Variants in CHODL observed in about 807,000 individuals in gnomAD.
CHODL encodes the protein chondrolectin, also known as transmembrane protein MT75.
CHODL carries 29 observed loss-of-function variants against 34.5 expected under a neutral mutation model. The ratio of observed to expected loss-of-function variants is 0.84; its 90% CI spans 0.63 to 1.15. The LOEUF is 1.15. CHODL is among the 50% of genes most tolerant of loss of function. The pLI, the probability that CHODL is intolerant of heterozygous loss-of-function variation, is 0.00. For synonymous variants in CHODL, 125 were observed against 116.1 expected, an observed-to-expected ratio of 1.08 and a Z score of -0.49; for missense variants, 332 against 332.5, an observed-to-expected ratio of 1.00 and a Z score of 0.01.
At chr21:18,040,800 TCGC>T (rs1431483959) in intron 2 of CHODL, among the ~76,000 whole-genome samples, 1 of 151,144 alleles carries the variant, frequency 6.6e-6, no homozygotes, top group Non-Finnish European at 1.5e-5. Flanking sequence ...TTTTGTCTAC[TCGC>T]AGGTGGTAAA....
intron 1 of CHODL, among the ~76,000 whole-genome samples, chr21:18,248,627 A>G (rs1457231971): frequency 1.7e-5 from 2 of 117,516 alleles, no homozygotes. Flanking sequence ...TATATAATAT[A>G]TATAATACAT....
chr21:17,917,762 AAGAGT>A (rs1315522257), intron 1 of CHODL, among the ~76,000 whole-genome samples: 1 of 152,168 alleles, frequency 6.6e-6, no homozygotes, highest in African/African-American at 2.4e-5. Context: ...GGACACAGAG[AAGAGT>A]AAAGAGTAGA....
At chr21:17,934,317 G>GA (rs1027253782) in intron 1 of CHODL, among the ~76,000 whole-genome samples, 1 of 151,772 alleles carries the variant, frequency 6.6e-6, no homozygotes, top group Non-Finnish European at 1.5e-5. Context: ...GCTGAGAATA[G>GA]AAAAAATAAC....
At chr21:18,211,968 G>A (rs1338909944) in intron 2 of CHODL, among the ~76,000 whole-genome samples, 2 of 152,116 alleles carry the variant, frequency 1.3e-5, no homozygotes, top group African/African-American at 4.8e-5. Context: ...TAGAATCCAT[G>A]CAGAAAAATA....
At chr21:18,145,460 G>A (rs1324044744) in intron 2 of CHODL, among the ~76,000 whole-genome samples, 3 of 143,724 alleles carry the variant, frequency 2.1e-5, no homozygotes, top group Admixed American at 6.9e-5. Flanking sequence ...AAAAAAAAGC[G>A]GCATTCAATA....
Position 17,973,094 on chromosome 21 carries a change from G to A in CHODL, c.-144-54778G>A, listed in dbSNP as rs372758448. On this transcript the variant is annotated intron_variant, in intron 1 of 6. Transcript: ENST00000400127. ...TGGGAAAACTGGCTAGCCATATGTAGAAAACTGAAACTGGACCCCTTCCTT... is the reference window on the plus strand; with the variant it reads ...TGGGAAAACTGGCTAGCCATATGTAAAAAACTGAAACTGGACCCCTTCCTT... Among the ~76,000 whole-genome samples, 6 of 152,256 alleles carry A rather than the reference G, an allele frequency of 3.9e-5. 1 individual carries two copies. The highest frequency in any genetic ancestry group is 1.3e-4 in the Admixed American group (2 of 15,310).
At chr21:18,200,674 T>A (rs1470008217) in intron 2 of CHODL, among the ~76,000 whole-genome samples, 1 of 152,170 alleles carries the variant, frequency 6.6e-6, no homozygotes, top group East Asian at 1.9e-4. Context: ...TTGGAACCGG[T>A]AGTGAGTTGA....
intron 2 of CHODL, among the ~76,000 whole-genome samples, chr21:18,206,062 A>G (rs556116718): frequency 3.3e-5 from 5 of 152,328 alleles, no homozygotes; most frequent in African/African-American, 1.2e-4. Flanking sequence ...CATGTAGTCT[A>G]TCCTTGATAA....
At chr21:18,001,031 CT>C (rs1200023711) in intron 1 of CHODL, among the ~76,000 whole-genome samples, 3 of 152,124 alleles carry the variant, frequency 2.0e-5, no homozygotes, top group African/African-American at 7.2e-5. Context: ...TCATGATCAT[CT>C]AGTGTGAGAT....
Position 18,251,551 on chromosome 21 carries a change from ATATT to A in CHODL, c.80-4952_80-4949del, listed in dbSNP as rs1263989902. ...TTTTATTTATTATTTTAATATATAA[ATATT>A]TATTTTATTTATTTATTTTAATATA... On this transcript the variant is annotated intron_variant, in intron 1 of 5. Coordinates refer to ENST00000299295, the MANE Select transcript of CHODL (RefSeq NM_024944.3). Among the ~76,000 whole-genome samples the A allele has an allele frequency of 1.3e-3, 8 of 6,058 alleles. 2 individuals are homozygous for A. Among genetic ancestry groups the A allele is most frequent in the Non-Finnish European group, 2.3e-3 (8 of 3,416 alleles). 4.0% of individuals were successfully genotyped at this position (6,058 alleles called of 152,430 possible).
intron 2 of CHODL, among the ~76,000 whole-genome samples, chr21:18,089,012 C>G (rs1224584910): frequency 6.6e-6 from 1 of 152,168 alleles, no homozygotes; most frequent in African/African-American, 2.4e-5. Context: ...GTGCATTCAC[C>G]TCCTCCTGAT....
intron 2 of CHODL, among the ~76,000 whole-genome samples, chr21:18,179,214 G>A (rs770600561): frequency 6.6e-6 from 1 of 152,040 alleles, no homozygotes; most frequent in East Asian, 1.9e-4. Flanking sequence ...TCTCGGTCAG[G>A]TTTCTCCTTT....
chr21:17,980,883 A>G (rs1410515979), intron 1 of CHODL, among the ~76,000 whole-genome samples: 2 of 152,138 alleles, frequency 1.3e-5, no homozygotes, highest in African/African-American at 2.4e-5. Flanking sequence ...AAAAGATGAG[A>G]GAAGAGTCTG....
rs151038238 is a variant in CHODL, at chr21:17,993,171, G to A, written c.-144-34701G>A. ...CCATTCAGTATGATATTAGCTGCAG[G>A]TATTTCATACATGGCTTTTATTATT... is the stretch of plus-strand genomic sequence containing the variant. On this transcript the variant is annotated intron_variant, in intron 1 of 6. Transcript: ENST00000400127. Among the ~76,000 whole-genome samples, 212 of 151,990 alleles carry A rather than the reference G, an allele frequency of 1.4e-3. 2 individuals are homozygous for A. The highest frequency in any genetic ancestry group is 4.3e-3 in the African/African-American group (177 of 41,456).
chr21:18,113,294 A>G (rs2065373480), intron 2 of CHODL, among the ~76,000 whole-genome samples: 2 of 152,018 alleles, frequency 1.3e-5, no homozygotes, highest in Admixed American at 1.3e-4. Context: ...GAATTCTTGC[A>G]CACTGTTGGT....
intron 2 of CHODL, among the ~76,000 whole-genome samples, chr21:18,127,682 T>TTTTG (rs2072591391): frequency 7.3e-6 from 1 of 136,200 alleles, no homozygotes; most frequent in Non-Finnish European, 1.6e-5. Flanking sequence ...GTTTTTTTTT[T>TTTTG]TTTTTTTTTT....
At chr21:18,191,858 C>T (rs908450414) in intron 2 of CHODL, among the ~76,000 whole-genome samples, 3 of 152,054 alleles carry the variant, frequency 2.0e-5, no homozygotes, top group African/African-American at 7.2e-5. Context: ...ATTTGTGCTA[C>T]GTTAGTAAGT....
chr21:17,992,996 G>T (rs1003387737), intron 1 of CHODL, among the ~76,000 whole-genome samples: 1 of 151,806 alleles, frequency 6.6e-6, no homozygotes, highest in African/African-American at 2.4e-5. Flanking sequence ...CTGCAAAGAG[G>T]GACAATTTTA....
intron 2 of CHODL, among the ~76,000 whole-genome samples, chr21:18,107,805 G>C (rs2065291825): frequency 6.6e-6 from 1 of 152,174 alleles, no homozygotes; most frequent in Admixed American, 6.5e-5. Flanking sequence ...GAAATTAAAG[G>C]AAGAATTTTT....
Sources: gnomAD v4.1 joint callset for allele counts (sites outside exome capture counted in the v4.1 genomes callset) on GRCh38, gnomAD v4.1.1 for gene constraint, MANE v1.5 for transcripts, NCBI Gene and HGNC (gene_info 2026-07-23, HGNC 2026-07-21) for gene names.